FMN2: variants seen among roughly 807,000 people sequenced by gnomAD.
FMN2 encodes formin 2.
A neutral mutation model predicts 142.3 loss-of-function variants in FMN2; 51 were observed. The observed-to-expected ratio is 0.36, with a 90% CI of 0.29 to 0.45. The LOEUF (loss-of-function observed/expected upper bound fraction) is 0.45, where lower values mean the gene tolerates loss of function less well. Ranked by LOEUF, FMN2 falls within the 20% of genes least tolerant of loss-of-function variation. FMN2 has a pLI of 1.00. For missense variants in FMN2, 1,936 were observed against 2,122.8 expected (o/e 0.91, Z 1.73); for synonymous variants, 882 against 869.8 (o/e 1.01, Z -0.25).
intron 2 of FMN2, among the ~76,000 whole-genome samples, chr1:240,132,978 A>G (rs554366959): frequency 2.4e-4 from 36 of 152,146 alleles, no homozygotes; most frequent in Non-Finnish European, 4.4e-4. Context: ...ACAATGTCCA[A>G]AGACATTTGG....
chr1:240,335,857 C>G (rs544625848), intron 13 of FMN2, among the ~76,000 whole-genome samples: 1 of 152,168 alleles, frequency 6.6e-6, no homozygotes, highest in Non-Finnish European at 1.5e-5. Context: ...AAAGGACAAG[C>G]AGCCGGCCAG....
intron 14 of FMN2, among the ~76,000 whole-genome samples, chr1:240,381,621 G>T (rs1673228785): frequency 6.6e-6 from 1 of 152,060 alleles, no homozygotes; most frequent in Non-Finnish European, 1.5e-5. Context: ...GTAGATACGG[G>T]ACTTCTCCAT....
At chr1:240,233,480 A>C (rs1352813090) in intron 6 of FMN2, among the ~76,000 whole-genome samples, 2 of 152,104 alleles carry the variant, frequency 1.3e-5, no homozygotes, top group Non-Finnish European at 2.9e-5. Flanking sequence ...TGCTAAGACT[A>C]TTCTACTGAG....
At chr1:240,311,771 G>A (rs1670612850) in intron 8 of FMN2, among the ~76,000 whole-genome samples, 1 of 152,094 alleles carries the variant, frequency 6.6e-6, no homozygotes, top group Admixed American at 6.6e-5. Context: ...CAGCTGCATT[G>A]GAAATATGTG....
chr1:240,209,512 C>G (rs1666598771), intron 5 of FMN2, among the ~76,000 whole-genome samples: 1 of 151,158 alleles, frequency 6.6e-6, no homozygotes, highest in Admixed American at 6.6e-5. Flanking sequence ...CCTCGGCTTC[C>G]CAAAATGCTG....
intron 14 of FMN2, among the ~76,000 whole-genome samples, chr1:240,376,890 T>C (rs553656397): frequency 8.4e-4 from 128 of 152,282 alleles, no homozygotes; most frequent in African/African-American, 3.0e-3. Context: ...TTTATCACAG[T>C]CTATCTTCAA....
intron 7 of FMN2, among the ~76,000 whole-genome samples, chr1:240,267,824 A>G (rs1668869950): frequency 6.6e-6 from 1 of 152,124 alleles, no homozygotes; most frequent in African/African-American, 2.4e-5. Flanking sequence ...ACATTTAATA[A>G]AGACTAATTT....
At chr1:240,218,836 A>G (rs994578483) in intron 6 of FMN2, among the ~76,000 whole-genome samples, 8 of 152,170 alleles carry the variant, frequency 5.3e-5, no homozygotes, top group Non-Finnish European at 1.0e-4. Context: ...GAACAACCCA[A>G]GAGAGACAGT....
intron 14 of FMN2, among the ~76,000 whole-genome samples, chr1:240,371,804 G>T (rs560412364): frequency 2.6e-5 from 4 of 152,252 alleles, no homozygotes; most frequent in African/African-American, 9.6e-5. Context: ...CGTTGTCTAT[G>T]GTTTCCTAAG....
At chr1:240,353,376 G>A (rs903353181) in intron 13 of FMN2, among the ~76,000 whole-genome samples, 4 of 152,112 alleles carry the variant, frequency 2.6e-5, no homozygotes, top group Admixed American at 1.3e-4. Context: ...GCCCCAAATC[G>A]TAAGGCACAT....
chr1:240,435,244 T>C lies in FMN2; in HGVS notation c.4911-2817T>C, dbSNP rs531838218. Among the ~76,000 whole-genome samples the C allele has an allele frequency of 6.6e-5, 10 of 152,182 alleles. No homozygotes were observed. In the East Asian group the frequency reaches 1.9e-3, roughly 29 times the overall value. ...CATGACAACCTTGAAAAGCAACCAC[T>C]TACAGATGAAAAAAACTGAGGCTCA... On this transcript the variant is annotated intron_variant, in intron 15 of 17. Transcript: ENST00000319653.
At chr1:240,422,999 A>AGGTGGTAC (rs1674824296) in intron 15 of FMN2, among the ~76,000 whole-genome samples, 2 of 152,122 alleles carry the variant, frequency 1.3e-5, no homozygotes, top group Non-Finnish European at 2.9e-5. Context: ...TGAGGTCACA[A>AGGTGGTAC]TTACCCTGAA....
At chr1:240,297,378 G>T (rs1387142212) in intron 8 of FMN2, among the ~76,000 whole-genome samples, 1 of 151,920 alleles carries the variant, frequency 6.6e-6, no homozygotes, top group South Asian at 2.1e-4. Flanking sequence ...GGAGGATCAC[G>T]AGGTCGGGAG....
intron 15 of FMN2, among the ~76,000 whole-genome samples, chr1:240,437,394 T>A (rs892403777): frequency 6.7e-6 from 1 of 149,398 alleles, no homozygotes; most frequent in Non-Finnish European, 1.5e-5. Context: ...CCTGGGTTCA[T>A]GCCATTCTCC....
chr1:240,379,937 A>G lies in FMN2; in HGVS notation c.4859-12574A>G, dbSNP rs1199245073. On this transcript the variant is annotated intron_variant, in intron 14 of 17. Coordinates refer to ENST00000319653, the MANE Select transcript of FMN2 (RefSeq NM_020066.5). ...TTCATCAGGTCAACAGGATTTCACT[A>G]TCCAAAATATATATGCACCCAATAG... Among the ~76,000 whole-genome samples the G allele has an allele frequency of 2.0e-5, 3 of 152,174 alleles. No individual in the cohort carries two copies. In the East Asian group the frequency reaches 5.8e-4, roughly 29 times the overall value.
chr1:240,110,870 CTTG>C (rs777014371), intron 1 of FMN2, among the ~76,000 whole-genome samples: 2 of 151,744 alleles, frequency 1.3e-5, no homozygotes, highest in African/African-American at 4.8e-5. Flanking sequence ...TAAATATTAC[CTTG>C]TTGTTAAAAT....
intron 15 of FMN2, among the ~76,000 whole-genome samples, chr1:240,430,062 T>A (rs1354261168): frequency 6.6e-6 from 1 of 151,682 alleles, no homozygotes; most frequent in Non-Finnish European, 1.5e-5. Flanking sequence ...ACGTTTTGTG[T>A]TTTTTAGTAG....
intron 2 of FMN2, among the ~76,000 whole-genome samples, chr1:240,137,024 C>T (rs903524722): frequency 2.1e-5 from 3 of 140,804 alleles, no homozygotes; most frequent in African/African-American, 8.1e-5. Context: ...GAGCCGAGAT[C>T]GCGCTACTGC....
At position 240,092,833 on chromosome 1, in the gene FMN2, C is replaced by T; in HGVS notation, c.724C>T (p.Gln242Ter). The T allele has an allele frequency of 6.4e-7, 1 of 1,561,936 alleles. No individual in the cohort carries two copies. The highest frequency in any genetic ancestry group is 8.7e-7 in the Non-Finnish European group (1 of 1,155,196). ...AGCGCCCCCCACTGCCGTCTCCCCT[C>T]AGCCCGGGGCCTTCCTGGGCCTGGA... Reference protein sequence around the residue: ...PAAPPTAVSPQPGAFLGLDRF... With the variant: ...PAAPPTAVSP Residue 242 changes from glutamine to a stop codon, truncating the protein, a stop_gained, in exon 1 of 18, where the codon CAG (glutamine) becomes TAG (stop). Transcript: ENST00000319653. LOFTEE classifies it high-confidence loss of function.
Sources: allele counts gnomAD v4.1 joint callset (sites outside exome capture counted in the v4.1 genomes callset), GRCh38; gene constraint gnomAD v4.1.1; transcripts MANE v1.5; gene names NCBI Gene and HGNC (gene_info 2026-07-23, HGNC 2026-07-21).